The following TBCK variants were observed in gnomAD, a reference collection of about 807,000 sequenced individuals.
TBCK encodes TBC1 domain containing kinase.
TBCK carries 99 observed loss-of-function variants against 113.4 expected under a neutral mutation model. That is an observed-to-expected ratio of 0.87 (90% confidence interval 0.74 to 1.03). The LOEUF is 1.03. Among genes scored for constraint, TBCK ranks in the 50% least tolerant of loss-of-function variants. The pLI is 0.00. For synonymous variants in TBCK, 369 were observed against 370.8 expected (o/e 1.00, Z 0.05); for missense variants, 1,045 against 1,061.3 (o/e 0.98, Z 0.21).
chr4:106,303,692 C>T (rs1200917321), intron 2 of TBCK, among the ~76,000 whole-genome samples: 1 of 152,170 alleles, frequency 6.6e-6, no homozygotes, highest in Non-Finnish European at 1.5e-5. Context: ...CATGATTAGG[C>T]TTTCTTCCCT....
intron 15 of TBCK, among the ~76,000 whole-genome samples, chr4:106,233,860 C>T (rs1372055194): frequency 3.9e-5 from 6 of 151,942 alleles, no homozygotes; most frequent in Non-Finnish European, 8.8e-5. Flanking sequence ...GACAATTTGC[C>T]ATTTTGCTGA....
At chr4:106,190,179 T>G (rs77888695) in intron 22 of TBCK, among the ~76,000 whole-genome samples, 5,538 of 152,252 alleles carry the variant, frequency 0.036, 400 homozygotes, top group East Asian at 0.28. Flanking sequence ...ATGGAAAGAT[T>G]ACACATAAAT....
intron 1 of TBCK, chr4:106,310,212 C>T (rs1212042216): frequency 1.3e-5 from 2 of 151,876 alleles, no homozygotes; most frequent in African/African-American, 4.8e-5. Flanking sequence ...TATTATAAAA[C>T]GTATAAACCC....
chr4:106,206,200 G>C (rs746579360), intron 20 of TBCK, among the ~76,000 whole-genome samples: 1 of 151,968 alleles, frequency 6.6e-6, no homozygotes, highest in Non-Finnish European at 1.5e-5. Flanking sequence ...ACCTGTTTCT[G>C]GACAGCATAA....
chr4:106,271,825 A>T (rs1197002249), intron 3 of TBCK, among the ~76,000 whole-genome samples: 1 of 152,104 alleles, frequency 6.6e-6, no homozygotes, highest in Non-Finnish European at 1.5e-5. Context: ...ATTGTTCTAC[A>T]AAGAGCACAT....
chr4:106,160,552 A>G (rs999110844), intron 23 of TBCK, among the ~76,000 whole-genome samples: 6 of 151,968 alleles, frequency 3.9e-5, no homozygotes, highest in African/African-American at 1.4e-4. Context: ...CTACAATGAG[A>G]TTCCACTGCA....
intron 3 of TBCK, among the ~76,000 whole-genome samples, chr4:106,263,392 C>G (rs1032285888): frequency 6.6e-6 from 1 of 151,702 alleles, no homozygotes; most frequent in Admixed American, 6.6e-5. Context: ...TAAGGATTGT[C>G]AGATTTGATA....
At chr4:106,061,973 T>C (rs1261743798) in intron 25 of TBCK, among the ~76,000 whole-genome samples, 1 of 151,804 alleles carries the variant, frequency 6.6e-6, no homozygotes, top group African/African-American at 2.4e-5. Flanking sequence ...ACTATGAATA[T>C]TGTGTCTCAA....
At chr4:106,122,857 G>T (rs1404729944) in intron 23 of TBCK, among the ~76,000 whole-genome samples, 2 of 152,074 alleles carry the variant, frequency 1.3e-5, no homozygotes, top group African/African-American at 4.8e-5. Context: ...AATAAATGAG[G>T]TATTGATGGG....
intron 25 of TBCK, among the ~76,000 whole-genome samples, chr4:106,056,222 C>G (rs1242567562): frequency 1.3e-5 from 2 of 151,144 alleles, no homozygotes; most frequent in Non-Finnish European, 3.0e-5. Flanking sequence ...TATCAGCAAC[C>G]TCCCCAAACA....
intron 2 of TBCK, among the ~76,000 whole-genome samples, chr4:106,299,783 C>A (rs1000833438): frequency 5.3e-5 from 8 of 152,100 alleles, no homozygotes; most frequent in Admixed American, 5.2e-4. Flanking sequence ...AAATATAAAT[C>A]ATCAATGTAG....
chr4:106,304,567 A>G (rs1193946391), intron 2 of TBCK, among the ~76,000 whole-genome samples: 1 of 152,198 alleles, frequency 6.6e-6, no homozygotes, highest in Non-Finnish European at 1.5e-5. Context: ...GCCCTGGCCT[A>G]TAAGAAGTAT....
chr4:106,243,000 A>C (rs1044347988), intron 11 of TBCK, among the ~76,000 whole-genome samples: 1 of 151,848 alleles, frequency 6.6e-6, no homozygotes, highest in African/African-American at 2.4e-5. Flanking sequence ...ACTGAGAATG[A>C]TGATTTCCAA....
intron 20 of TBCK, among the ~76,000 whole-genome samples, chr4:106,207,902 T>C (rs1755704254): frequency 2.0e-5 from 3 of 152,224 alleles, no homozygotes; most frequent in Admixed American, 6.5e-5. Flanking sequence ...TTTCTTTCTG[T>C]TTACTCTAAA....
chr4:106,310,853 A>C (rs917736636), intron 1 of TBCK, among the ~76,000 whole-genome samples: 1 of 152,212 alleles, frequency 6.6e-6, no homozygotes, highest in Admixed American at 6.5e-5. Context: ...TTTATGAAAA[A>C]ATAACACAAA....
At chr4:106,055,842 G>A (rs1160657846) in intron 25 of TBCK, among the ~76,000 whole-genome samples, 2 of 151,128 alleles carry the variant, frequency 1.3e-5, no homozygotes, top group Admixed American at 1.3e-4. Flanking sequence ...TATCTTTTAA[G>A]GGTCTTTTCA....
At position 106,200,312 on chromosome 4, in the gene TBCK, G is replaced by C. The variant is rs139374040; in HGVS notation, c.1861-5558C>G. Among the ~76,000 whole-genome samples the C allele has an allele frequency of 5.0e-3, 763 of 152,312 alleles. 4 individuals are homozygous for C. The highest frequency in any genetic ancestry group is 0.018 in the African/African-American group (735 of 41,574). Reference sequence around the variant, plus strand: ...TCTCAGCACTTTGGGAGGCCAAAGCGGGAGGACTGCTTGAGCCAAGAATCC... The same window carrying C: ...TCTCAGCACTTTGGGAGGCCAAAGCCGGAGGACTGCTTGAGCCAAGAATCC... On this transcript the variant is annotated intron_variant, in intron 20 of 25. Transcript: ENST00000394708.
At chr4:106,052,093 A>G (rs541393159) in intron 25 of TBCK, among the ~76,000 whole-genome samples, 2 of 151,930 alleles carry the variant, frequency 1.3e-5, no homozygotes, top group African/African-American at 2.4e-5. Context: ...TTTTTAACTC[A>G]TTGAAGTTTA....
Position 106,057,950 on chromosome 4 carries a change from C to T in TBCK, c.2572-11270G>A, listed in dbSNP as rs1236178949. On this transcript the variant is annotated intron_variant, in intron 25 of 25. Transcript: ENST00000394708. ...TTTGTAGGCATTCACTGTTCATTGT[C>T]CTGAATTAAACTAGTACTTGACACT... is the stretch of plus-strand genomic sequence containing the variant. Among the ~76,000 whole-genome samples the T allele has an allele frequency of 3.3e-5, 5 of 151,690 alleles. No homozygotes were observed. In the East Asian group the frequency reaches 5.8e-4, roughly 18 times the overall value.
Sources: gnomAD v4.1 joint callset for allele counts (sites outside exome capture counted in the v4.1 genomes callset) on GRCh38, gnomAD v4.1.1 for gene constraint, MANE v1.5 for transcripts, NCBI Gene and HGNC (gene_info 2026-07-23, HGNC 2026-07-21) for gene names.